Variants in KLHL24 observed in about 807,000 individuals in gnomAD.
The protein encoded by KLHL24 is kelch-like protein 24.
Under a neutral mutation model 53.4 loss-of-function variants are expected in KLHL24, and 29 were observed. The observed-to-expected ratio is 0.54, with a 90% CI of 0.40 to 0.74. KLHL24 has a LOEUF of 0.74. Ranked by LOEUF, KLHL24 falls within the 30% of genes least tolerant of loss-of-function variation. The pLI, the probability that KLHL24 is intolerant of heterozygous loss-of-function variation, is 0.00. For synonymous variants in KLHL24, 222 were observed against 253.7 expected, an observed-to-expected ratio of 0.88 and a Z score of 1.19; for missense variants, 504 against 744.0, an observed-to-expected ratio of 0.68 and a Z score of 3.75.
At chr3:183,657,258 G>C (rs1336254673) in intron 3 of KLHL24, among the ~76,000 whole-genome samples, 1 of 152,106 alleles carries the variant, frequency 6.6e-6, no homozygotes, top group Non-Finnish European at 1.5e-5. Flanking sequence ...AGTGTCTTCT[G>C]ATATATTGAC....
intron 2 of KLHL24, among the ~76,000 whole-genome samples, chr3:183,647,582 G>A (rs575958438): frequency 2.6e-5 from 4 of 151,338 alleles, no homozygotes; most frequent in East Asian, 2.0e-4. Context: ...GTGCTGGCGC[G>A]TGCCTGTAGT....
chr3:183,665,340 G>C (rs1235354906), intron 5 of KLHL24, among the ~76,000 whole-genome samples: 1 of 152,154 alleles, frequency 6.6e-6, no homozygotes, highest in East Asian at 1.9e-4. Flanking sequence ...ATACAGACAG[G>C]CCAATGTCTA....
chr3:183,671,765 T>C (rs763719157), intron 6 of KLHL24, among the ~76,000 whole-genome samples: 1 of 152,234 alleles, frequency 6.6e-6, no homozygotes, highest in Non-Finnish European at 1.5e-5. Flanking sequence ...AAAAAGCATC[T>C]AATGCCTAGC....
In KLHL24 at chr3:183,650,903, C is replaced by T; in HGVS notation, c.547C>T (p.Leu183Phe). 6.2e-7 allele frequency: 1 copy of T among 1,614,178 alleles called. No individual in the cohort carries two copies. Among genetic ancestry groups the T allele is most frequent in the Non-Finnish European group, 8.5e-7 (1 of 1,180,040 alleles). Residue 183 changes from leucine (L) to phenylalanine (F), a missense_variant, in exon 3 of 8, where the codon CTC (leucine) becomes TTC (phenylalanine). Physicochemically the swap from Leu to Phe is conservative, Grantham distance 22 (BLOSUM62 0). Transcript: ENST00000242810. This position sits in a 1 kb window ranked among gnomAD's most constrained non-coding sequence, Gnocchi z 4.5. Reference protein sequence around the residue: ...RFADTHSLKTLFTKCKNFALQ... With the variant: ...RFADTHSLKTFFTKCKNFALQ... ...TGCTGATACCCATTCACTCAAAACACTCTTCACAAAATGCAAAAATTTTGC... is the reference window on the plus strand; with the variant it reads ...TGCTGATACCCATTCACTCAAAACATTCTTCACAAAATGCAAAAATTTTGC...
rs951222608 is a variant in KLHL24 at position 183,681,834 on chromosome 3, TCATCA to T, written c.*2552_*2556del. 7 of 152,314 alleles carry T rather than the reference TCATCA, an allele frequency of 4.6e-5. No homozygotes were observed. Among genetic ancestry groups the T allele is most frequent in the African/African-American group, 1.7e-4 (7 of 41,236 alleles). 9.4% of individuals were successfully genotyped at this position (152,314 alleles called of 1,614,324 possible). A position where few individuals can be genotyped will look rare whatever the true frequency, so the allele number is the denominator to read the frequency against. ...TTGGTGTCAGATTGTATTCATTCTC[TCATCA>T]CATAAAGATTTTTCTTTTGATAGGT... is the stretch of plus-strand genomic sequence containing the variant. On this transcript the variant is annotated 3_prime_UTR_variant, in exon 8 of 8. Transcript: ENST00000242810.
At chr3:183,655,252 T>A (rs1428886435) in intron 3 of KLHL24, among the ~76,000 whole-genome samples, 2 of 152,204 alleles carry the variant, frequency 1.3e-5, no homozygotes, top group East Asian at 3.9e-4. Flanking sequence ...AAAGCTTTGA[T>A]AATCTGCCCT....
intron 5 of KLHL24, among the ~76,000 whole-genome samples, chr3:183,666,452 G>T (rs1350562778): frequency 6.6e-6 from 1 of 151,990 alleles, no homozygotes; most frequent in Non-Finnish European, 1.5e-5. Flanking sequence ...TGTAGAGATT[G>T]GGTTTCTCCA....
At chr3:183,645,159 A>G (rs948396039) in intron 2 of KLHL24, among the ~76,000 whole-genome samples, 12 of 152,224 alleles carry the variant, frequency 7.9e-5, no homozygotes, top group African/African-American at 2.7e-4. Flanking sequence ...TTAAAATATG[A>G]GTTATATTCC....
In KLHL24 at chr3:183,683,544, C is replaced by T. The variant is rs1040725824; in HGVS notation, c.*4258C>T. On this transcript the variant is annotated 3_prime_UTR_variant, in exon 8 of 8. Transcript: ENST00000242810. ...TATTGTCACATCTAATGCTAGGCAC[C>T]AGAAACCATTTGAGCCAGGAGTGTG... 2.6e-5 allele frequency: 4 copies of T among 152,562 alleles called. No homozygotes were observed. The highest frequency in any genetic ancestry group is 5.9e-5 in the Non-Finnish European group (4 of 68,036). 9.5% of individuals were successfully genotyped at this position (152,562 alleles called of 1,614,324 possible).
At position 183,671,183 on chromosome 3, in the gene KLHL24, G is replaced by A. The variant is rs1413476377; in HGVS notation, c.1374G>A (p.Val458=). Residue 458 remains valine (V), a synonymous_variant, in exon 6 of 8, where the codon GTG becomes GTA. Coordinates refer to ENST00000242810, the MANE Select transcript of KLHL24 (RefSeq NM_017644.3). ...CTAGCTGTGTAGGCAAACTGTTTGT[G>A]ATTGGTGGAGGACCTGATGATAATA... ...AVTSCVGKLF[V]IGGGPDDNTC... is the part of the protein sequence containing the mutation. 6.2e-7 allele frequency: 1 copy of A among 1,614,094 alleles called. No homozygotes were observed. The highest frequency in any genetic ancestry group is 2.2e-5 in the East Asian group (1 of 44,864).
intron 2 of KLHL24, among the ~76,000 whole-genome samples, chr3:183,649,279 A>G (rs1483204316): frequency 2.0e-5 from 3 of 152,160 alleles, no homozygotes; most frequent in Admixed American, 2.0e-4. Flanking sequence ...CTGTTGGCAT[A>G]TGTTTTGTGA....
chr3:183,663,100 G>T lies in KLHL24; in HGVS notation c.921-358G>T, dbSNP rs908018567. 2.6e-5 allele frequency among the ~76,000 whole-genome samples: 4 copies of T among 152,142 alleles called. No homozygotes were observed. The highest frequency in any genetic ancestry group is 5.9e-5 in the Non-Finnish European group (4 of 68,032). ...AGAAAAAAATGCATTATCTTACCTT[G>T]TGTGGTTATGCGTATCTGAATCACT... On this transcript the variant is annotated intron_variant, in intron 3 of 7. Transcript: ENST00000242810. The surrounding 1 kb of genome is among the most constrained non-coding windows in gnomAD (Gnocchi z 4.9).
At chr3:183,639,654 T>A (rs12492623) in intron 1 of KLHL24, among the ~76,000 whole-genome samples, 1,734 of 62,632 alleles carry the variant, frequency 0.028, 40 homozygotes, top group Middle Eastern at 0.065. Flanking sequence ...AAAAAAAAAA[T>A]CTCAAATTTG....
At chr3:183,637,903 C>G (rs947229278) in intron 1 of KLHL24, among the ~76,000 whole-genome samples, 1 of 152,234 alleles carries the variant, frequency 6.6e-6, no homozygotes, top group African/African-American at 2.4e-5. Context: ...AGGTGATCCG[C>G]CCGCCTCAGC....
intron 3 of KLHL24, among the ~76,000 whole-genome samples, chr3:183,653,387 T>C (rs937174928): frequency 2.0e-5 from 3 of 152,232 alleles, no homozygotes; most frequent in African/African-American, 7.2e-5. Flanking sequence ...AGAAGGATTT[T>C]ATTTAGGTGG....
At chr3:183,645,296 A>T (rs909978446) in intron 2 of KLHL24, among the ~76,000 whole-genome samples, 3 of 152,348 alleles carry the variant, frequency 2.0e-5, no homozygotes. Flanking sequence ...TACAGTAGTG[A>T]TCTCTCTTGA....
intron 1 of KLHL24, among the ~76,000 whole-genome samples, chr3:183,640,645 G>T (rs1716268945): frequency 6.8e-6 from 1 of 146,916 alleles, no homozygotes; most frequent in Non-Finnish European, 1.5e-5. Flanking sequence ...TGTCGCCCAG[G>T]CTGGAGTGTG....
intron 2 of KLHL24, among the ~76,000 whole-genome samples, chr3:183,648,919 C>T (rs1717714769): frequency 6.6e-6 from 1 of 151,976 alleles, no homozygotes. Context: ...AGCAGAATCC[C>T]TTGAACCTAG....
In KLHL24 at chr3:183,672,361, G is replaced by A. The variant is rs750081867; in HGVS notation, c.1479G>A (p.Arg493=). The change falls in exon 7 of 8, where the codon AGG becomes AGA. Residue 493 remains arginine, a synonymous_variant. Transcript: ENST00000242810. ...GTGCAGCTATCCCAATTGCCAAAAG[G>A]TGTATAACAGCTGTATCCCTAAACA... The part of the protein sequence containing the change: ...LLRAAIPIAK[R]CITAVSLNNL... 1.2e-6 allele frequency: 2 copies of A among 1,612,938 alleles called. No individual in the cohort carries two copies. The highest frequency in any genetic ancestry group is 1.3e-5 in the African/African-American group (1 of 74,996).
Sources: allele counts gnomAD v4.1 joint callset (sites outside exome capture counted in the v4.1 genomes callset), GRCh38; gene constraint gnomAD v4.1.1; non-coding constraint Gnocchi (gnomAD v3.1); transcripts MANE v1.5; gene names NCBI Gene and HGNC (gene_info 2026-07-23, HGNC 2026-07-21).